The following KCNQ4 variants were observed in gnomAD, a reference collection of about 807,000 sequenced individuals.
KCNQ4 encodes potassium voltage-gated channel subfamily KQT member 4.
Under a neutral mutation model 72.6 loss-of-function variants are expected in KCNQ4, and 31 were observed. That is an observed-to-expected ratio of 0.43 (90% CI 0.32 to 0.58). The LOEUF (loss-of-function observed/expected upper bound fraction) is 0.58. Among genes scored for constraint, KCNQ4 ranks in the 20% least tolerant of loss-of-function variants. The pLI is 0.08. For synonymous variants in KCNQ4, 405 were observed against 403.7 expected (o/e 1.00, Z -0.04); for missense variants, 869 against 962.6 (o/e 0.90, Z 1.29).
intron 8 of KCNQ4, 99 bp from the exon 9 acceptor site, chr1:40,823,998 C>A: frequency 7.2e-7 from 1 of 1,386,212 alleles, no homozygotes; most frequent in Non-Finnish European, 1.0e-6. Flanking sequence ...TCTAGAGCAG[C>A]AGGACCTGGC....
At chr1:40,798,570 A>C (rs1557992699) in intron 1 of KCNQ4, among the ~76,000 whole-genome samples, 1 of 152,264 alleles carries the variant, frequency 6.6e-6, no homozygotes, top group Non-Finnish European at 1.5e-5. Flanking sequence ...TGACTTGCCC[A>C]AGGTCATTCA....
Position 40,838,573 on chromosome 1 carries a change from C to T in KCNQ4, c.*50C>T. 1.3e-6 allele frequency: 2 copies of T among 1,548,172 alleles called. No individual in the cohort carries two copies. The highest frequency in any genetic ancestry group is 4.5e-5 in the East Asian group (2 of 44,518). On this transcript the variant is annotated 3_prime_UTR_variant, in exon 14 of 14. Coordinates refer to ENST00000347132, the MANE Select transcript of KCNQ4 (RefSeq NM_004700.4). ...ACACGGCCAGCCCCGCGGCCTGGCG[C>T]TCCGACTGCCCTCTGAGGCCTCCGG...
rs147751558 is a variant in KCNQ4, at chr1:40,819,373, G to A, written c.735G>A (p.Gly245=). The A allele has an allele frequency of 1.6e-4, 252 of 1,613,882 alleles. No homozygotes were observed. Among genetic ancestry groups the A allele is most frequent in the Admixed American group, 3.5e-4 (21 of 60,024 alleles). The part of the protein sequence containing the change: ...SKELITAWYI[G]FLVLIFASFL... ...AGCTGATCACCGCCTGGTACATCGGGTTCCTGGTGCTCATCTTCGCCTCCT... is the reference window on the plus strand; with the variant it reads ...AGCTGATCACCGCCTGGTACATCGGATTCCTGGTGCTCATCTTCGCCTCCT... Residue 245 remains glycine (G), a synonymous_variant, in exon 5 of 14, where the codon GGG becomes GGA. Transcript: ENST00000347132.
intron 9 of KCNQ4, among the ~76,000 whole-genome samples, chr1:40,827,022 C>T (rs1648499337): frequency 6.6e-6 from 1 of 152,324 alleles, no homozygotes; most frequent in East Asian, 1.9e-4. Context: ...TAGAGGACCT[C>T]TGAGGGTCCT....
chr1:40,785,900 ACT>A (rs1369512641), intron 1 of KCNQ4, among the ~76,000 whole-genome samples: 1 of 151,704 alleles, frequency 6.6e-6, no homozygotes, highest in Non-Finnish European at 1.5e-5. Context: ...GGCAACCTTG[ACT>A]CTGTGCAGAG....
chr1:40,818,464 G>C (rs1443763070), intron 3 of KCNQ4, 41 bp from the exon 4 acceptor site: 4 of 1,597,124 alleles, frequency 2.5e-6, no homozygotes, highest in African/African-American at 1.3e-5. Context: ...GTCCGTGCGC[G>C]GGGTAGGCTG....
intron 1 of KCNQ4, among the ~76,000 whole-genome samples, chr1:40,790,085 C>A (rs1413491694): frequency 6.6e-6 from 1 of 152,196 alleles, no homozygotes. Context: ...TTTCGTTTCT[C>A]CAGAAGCTGT....
chr1:40,784,268 C>T lies in KCNQ4; in HGVS notation c.175C>T (p.Pro59Ser), dbSNP rs772056095. ...CCCCCTGCCGCCGGGCGCGCCCCTC[C>T]CTGGGCCGGGCTCCGGCTCGGGCTC... ...GSPLPPGAPLPGPGSGSGSAC... is the reference protein window; with the variant it reads ...GSPLPPGAPLSGPGSGSGSAC... Residue 59 changes from proline to serine, a missense_variant, in exon 1 of 14, where the codon CCT (proline) becomes TCT (serine). Around this residue, in one of 5 missense-constraint regions of KCNQ4, gnomAD observed 178 missense variants for 145.3 expected, o/e 1.22. Coordinates refer to ENST00000347132, the MANE Select transcript of KCNQ4 (RefSeq NM_004700.4). This position sits in a 1 kb window ranked among gnomAD's most constrained non-coding sequence, Gnocchi z 4.1. 14 of 1,509,818 alleles carry T rather than the reference C, an allele frequency of 9.3e-6. No individual in the cohort carries two copies. In the South Asian group the frequency reaches 1.2e-4, roughly 13 times the overall value. 93.5% of individuals were successfully genotyped at this position (1,509,818 alleles called of 1,614,324 possible). A position where few individuals can be genotyped will look rare whatever the true frequency, so the allele number is the denominator to read the frequency against.
chr1:40,834,686 C>T (rs1648757925), intron 11 of KCNQ4, among the ~76,000 whole-genome samples: 1 of 152,078 alleles, frequency 6.6e-6, no homozygotes, highest in African/African-American at 2.4e-5. Context: ...CTTCAAAGCA[C>T]ACCCCAGCCT....
At chr1:40,837,370 G>C (rs1239741668) in intron 12 of KCNQ4, among the ~76,000 whole-genome samples, 1 of 152,216 alleles carries the variant, frequency 6.6e-6, no homozygotes, top group Non-Finnish European at 1.5e-5. Context: ...TGGGATTATA[G>C]GCATGCGCCA....
At chr1:40,819,313 C>G in intron 4 of KCNQ4, 34 bp from the exon 5 acceptor site, 2 of 1,612,674 alleles carry the variant, frequency 1.2e-6, no homozygotes, top group African/African-American at 2.7e-5. Context: ...GCAGGCACAG[C>G]GCTCCTCACC....
chr1:40,818,836 GC>G (rs1648186299), intron 4 of KCNQ4, 156 bp downstream of exon 4: 1 of 806,932 alleles, frequency 1.2e-6, no homozygotes. Context: ...CGAGGTCTAA[GC>G]GGGTGGGGCG....
intron 10 of KCNQ4, among the ~76,000 whole-genome samples, chr1:40,831,988 C>T (rs1648665479): frequency 6.6e-6 from 1 of 152,240 alleles, no homozygotes; most frequent in African/African-American, 2.4e-5. Flanking sequence ...CTTCTTCCTA[C>T]CCCTCTTCAC....
chr1:40,795,159 A>G (rs1203467970), intron 1 of KCNQ4, among the ~76,000 whole-genome samples: 2 of 151,708 alleles, frequency 1.3e-5, no homozygotes, highest in Admixed American at 6.6e-5. Context: ...GACAATTGCC[A>G]TCTGTCCCTG....
rs1048511161 is a variant in KCNQ4, at chr1:40,819,237, C to G, written c.709-110C>G. On this transcript the variant is annotated intron_variant, in intron 4 of 13. Transcript: ENST00000347132. ...GGAGGAGCTGAGAAAGAAAAGCGAG[C>G]CTGGGACTCCGGGAGATGGGGGACC... The G allele has an allele frequency of 6.7e-6, 9 of 1,348,356 alleles. 1 individual carries two copies. In the Admixed American group the frequency reaches 9.2e-5, roughly 14 times the overall value. The allele number at this position is 1,348,356 out of a possible 1,614,324, so 83.5% of individuals were successfully genotyped here.
chr1:40,820,136 A>G (rs768976511), intron 6 of KCNQ4, 29 bp from the exon 7 acceptor site: 3 of 1,588,882 alleles, frequency 1.9e-6, no homozygotes, highest in Non-Finnish European at 2.6e-6. Flanking sequence ...CTGCCAGCAC[A>G]TTCCCCCAAC....
At chr1:40,808,078 A>T (rs1647817111) in intron 1 of KCNQ4, among the ~76,000 whole-genome samples, 1 of 151,018 alleles carries the variant, frequency 6.6e-6, no homozygotes, top group African/African-American at 2.5e-5. Flanking sequence ...CTGCATTCCA[A>T]CACAGGCAAC....
intron 1 of KCNQ4, among the ~76,000 whole-genome samples, chr1:40,816,344 C>G (rs577590442): frequency 6.6e-6 from 1 of 152,148 alleles, no homozygotes; most frequent in African/African-American, 2.4e-5. Context: ...CCTCTCACCT[C>G]GCTCTCCTTC....
intron 1 of KCNQ4, among the ~76,000 whole-genome samples, chr1:40,793,895 A>G (rs967591335): frequency 8.5e-5 from 13 of 152,140 alleles, no homozygotes; most frequent in African/African-American, 3.1e-4. Context: ...CAGTGCCCCC[A>G]GAGTTCTGTT....
Sources: allele counts gnomAD v4.1 joint callset (sites outside exome capture counted in the v4.1 genomes callset), GRCh38; gene constraint gnomAD v4.1.1; regional missense constraint gnomAD v4.1.1; non-coding constraint Gnocchi (gnomAD v3.1); transcripts MANE v1.5; gene names NCBI Gene and HGNC (gene_info 2026-07-23, HGNC 2026-07-21).